The following NDST4 variants were observed in gnomAD, a reference collection of about 807,000 sequenced individuals.
NDST4 encodes the protein N-deacetylase and N-sulfotransferase 4.
In NDST4, 63 loss-of-function variants were observed where a neutral mutation model predicts 100.8. The ratio of observed to expected loss-of-function variants is 0.62; its 90% confidence interval spans 0.51 to 0.77. The LOEUF is 0.77. NDST4 is among the 30% of genes least tolerant of loss of function. The probability of loss-of-function intolerance (pLI) is 0.00; values close to 1 mark genes in which losing one functional copy is unlikely to be tolerated. For missense variants in NDST4, 943 were observed against 1,018.4 expected, an observed-to-expected ratio of 0.93 and a Z score of 1.01; for synonymous variants, 377 against 361.8, an observed-to-expected ratio of 1.04 and a Z score of -0.48.
chr4:115,085,194 C>A (rs1439649189), intron 1 of NDST4, among the ~76,000 whole-genome samples: 7 of 152,130 alleles, frequency 4.6e-5, no homozygotes, highest in African/African-American at 1.7e-4. Flanking sequence ...GGGCCTGTAG[C>A]CTCTATGTTT....
intron 2 of NDST4, among the ~76,000 whole-genome samples, chr4:115,015,463 T>C (rs1477004829): frequency 6.6e-6 from 1 of 152,078 alleles, no homozygotes; most frequent in Non-Finnish European, 1.5e-5. Context: ...AATTATGCAG[T>C]AATATACTAA....
intron 6 of NDST4, among the ~76,000 whole-genome samples, chr4:114,875,798 C>G (rs1724242639): frequency 6.6e-6 from 1 of 152,158 alleles, no homozygotes; most frequent in Non-Finnish European, 1.5e-5. Context: ...AAGCATTACT[C>G]TCCAGGTTGA....
chr4:115,035,995 A>G (rs1728225251), intron 2 of NDST4, among the ~76,000 whole-genome samples: 1 of 152,006 alleles, frequency 6.6e-6, no homozygotes, highest in Admixed American at 6.6e-5. Context: ...CAAGATAATA[A>G]TTGGGACTCT....
chr4:114,870,707 T>C (rs1445259682), intron 7 of NDST4, 61 bp downstream of exon 7: 2 of 1,440,820 alleles, frequency 1.4e-6, no homozygotes, highest in African/African-American at 1.4e-5. Flanking sequence ...TAACACAAAT[T>C]ATACACTCAC....
At chr4:114,994,284 C>T (rs1727112562) in intron 2 of NDST4, among the ~76,000 whole-genome samples, 1 of 151,840 alleles carries the variant, frequency 6.6e-6, no homozygotes. Flanking sequence ...TCTGGTATAC[C>T]ATATAATTTA....
At chr4:115,024,727 G>A (rs962054056) in intron 2 of NDST4, among the ~76,000 whole-genome samples, 2 of 152,064 alleles carry the variant, frequency 1.3e-5, no homozygotes, top group African/African-American at 4.8e-5. Flanking sequence ...GGAATAGAAT[G>A]AATGTAATTT....
At chr4:115,107,997 T>C (rs760292252) in intron 1 of NDST4, among the ~76,000 whole-genome samples, 21 of 152,058 alleles carry the variant, frequency 1.4e-4, no homozygotes, top group Non-Finnish European at 7.4e-5. Context: ...CATAATACTT[T>C]AGATAAGTTG....
At chr4:115,015,720 G>T (rs1483871930) in intron 2 of NDST4, among the ~76,000 whole-genome samples, 1 of 152,018 alleles carries the variant, frequency 6.6e-6, no homozygotes, top group Non-Finnish European at 1.5e-5. Flanking sequence ...TCAGTCTACT[G>T]CTGTCACTGT....
At chr4:115,087,209 A>T (rs1028049288) in intron 1 of NDST4, among the ~76,000 whole-genome samples, 1 of 150,654 alleles carries the variant, frequency 6.6e-6, no homozygotes, top group African/African-American at 2.4e-5. Context: ...ATAGATTTGG[A>T]GGTAATATTT....
intron 6 of NDST4, among the ~76,000 whole-genome samples, chr4:114,891,197 T>TTC (rs1304018897): frequency 6.6e-6 from 1 of 152,136 alleles, no homozygotes; most frequent in African/African-American, 2.4e-5. Context: ...TTATTGATTC[T>TTC]TCTCTTCACC....
intron 8 of NDST4, among the ~76,000 whole-genome samples, chr4:114,851,749 C>T (rs1056256986): frequency 1.3e-5 from 2 of 152,118 alleles, no homozygotes; most frequent in African/African-American, 4.8e-5. Flanking sequence ...ATATGTGTTG[C>T]TCTTTCCCCT....
At chr4:114,880,741 A>G (rs1724349800) in intron 6 of NDST4, among the ~76,000 whole-genome samples, 1 of 152,190 alleles carries the variant, frequency 6.6e-6, no homozygotes, top group Admixed American at 6.6e-5. Context: ...GGGAACATAA[A>G]AAAGAGAACA....
intron 13 of NDST4, 29 bp downstream of exon 13, chr4:114,829,761 G>C: frequency 6.6e-7 from 1 of 1,520,662 alleles, no homozygotes; most frequent in Non-Finnish European, 8.9e-7. Context: ...ATTTTTGCTA[G>C]AGTAATTCAA....
At chr4:114,830,025 T>C in intron 12 of NDST4, 133 bp from the exon 13 acceptor site, 4 of 663,626 alleles carry the variant, frequency 6.0e-6, no homozygotes, top group Non-Finnish European at 1.0e-5. Flanking sequence ...CAGATATTTA[T>C]TTAGCTGATT....
chr4:114,936,777 T>C (rs1725637763), intron 5 of NDST4, among the ~76,000 whole-genome samples: 2 of 152,192 alleles, frequency 1.3e-5, no homozygotes, highest in Non-Finnish European at 2.9e-5. Flanking sequence ...TATACCTCCC[T>C]TTTTGGAATA....
At chr4:115,094,119 A>T (rs1264856646) in intron 1 of NDST4, among the ~76,000 whole-genome samples, 2 of 152,236 alleles carry the variant, frequency 1.3e-5, no homozygotes, top group East Asian at 3.9e-4. Context: ...TGTTAAAAAA[A>T]TAAAAGAAAA....
At chr4:115,071,866 AT>A (rs765327810) in intron 2 of NDST4, among the ~76,000 whole-genome samples, 1 of 152,074 alleles carries the variant, frequency 6.6e-6, no homozygotes, top group African/African-American at 2.4e-5. Context: ...TGACTAGAAT[AT>A]TTTTTCTATG....
At chr4:115,019,321 T>G (rs1727757287) in intron 2 of NDST4, among the ~76,000 whole-genome samples, 1 of 152,060 alleles carries the variant, frequency 6.6e-6, no homozygotes. Flanking sequence ...ACAAGGTGTA[T>G]GTATTTAAGT....
rs569254285 is a variant in NDST4 at position 114,913,498 on chromosome 4, C to G, written c.1536+21708G>C. Among the ~76,000 whole-genome samples, 4 of 151,912 alleles carry G rather than the reference C, an allele frequency of 2.6e-5. No individual in the cohort carries two copies. The South Asian group carries it at 8.3e-4, about 32-fold the overall frequency. ...GGGTGATCCTAATAGAGATTATCTG[C>G]CTATTTTGAAAAACACTGGCCTAGA... is the stretch of plus-strand genomic sequence containing the variant. On this transcript the variant is annotated intron_variant, in intron 6 of 13. Transcript: ENST00000264363.
Sources: gnomAD v4.1 joint callset for allele counts (sites outside exome capture counted in the v4.1 genomes callset) on GRCh38, gnomAD v4.1.1 for gene constraint, MANE v1.5 for transcripts, NCBI Gene and HGNC (gene_info 2026-07-23, HGNC 2026-07-21) for gene names.